Variants in ROBO2 observed in about 807,000 individuals in gnomAD.
ROBO2 encodes roundabout homolog 2.
Under a neutral mutation model 160.8 loss-of-function variants are expected in ROBO2, and 53 were observed. The ratio of observed to expected loss-of-function variants is 0.33; its 90% CI spans 0.26 to 0.41. ROBO2 has a LOEUF of 0.41. Among genes scored for constraint, ROBO2 ranks in the 10% least tolerant of loss-of-function variants. The pLI, the probability that ROBO2 is intolerant of heterozygous loss-of-function variation, is 1.00. For synonymous variants in ROBO2, 664 were observed against 611.7 expected (o/e 1.09, Z -1.26); for missense variants, 1,577 against 1,722.4 (o/e 0.92, Z 1.49).
At chr3:77,037,925 C>T (rs1338788882), upstream of ROBO2, among the ~76,000 whole-genome samples, 1 of 152,008 alleles carries the variant, frequency 6.6e-6, no homozygotes, top group East Asian at 1.9e-4. Flanking sequence ...AAATTTCACC[C>T]GCGTAAGGAA....
chr3:76,766,856 G>A (rs2061602337), intron 2 of ROBO2, among the ~76,000 whole-genome samples: 2 of 151,512 alleles, frequency 1.3e-5, no homozygotes, highest in South Asian at 4.1e-4. Context: ...ATAGGACTAT[G>A]GAACTGTAGA....
chr3:77,311,241 A>G (rs2063520070), intron 2 of ROBO2, among the ~76,000 whole-genome samples: 1 of 152,170 alleles, frequency 6.6e-6, no homozygotes, highest in Admixed American at 6.5e-5. Context: ...GCTAAAGGCC[A>G]CAAAACTACA....
chr3:77,426,348 G>A (rs1282819198), intron 2 of ROBO2, among the ~76,000 whole-genome samples: 1 of 152,074 alleles, frequency 6.6e-6, no homozygotes, highest in Non-Finnish European at 1.5e-5. Context: ...CCACTGTGGC[G>A]GGCAGGTTTT....
chr3:77,411,381 A>G (rs542217081), intron 2 of ROBO2, among the ~76,000 whole-genome samples: 3 of 152,312 alleles, frequency 2.0e-5, no homozygotes, highest in Non-Finnish European at 2.9e-5. Context: ...CTGTAAATCT[A>G]TATTTCAGAT....
chr3:77,405,159 G>T (rs949861033), intron 2 of ROBO2, among the ~76,000 whole-genome samples: 2 of 151,960 alleles, frequency 1.3e-5, no homozygotes, highest in Non-Finnish European at 2.9e-5. Flanking sequence ...GCTAGCTCAG[G>T]GCTGAGAGAG....
At chr3:77,120,030 T>C (rs901820176) in intron 2 of ROBO2, among the ~76,000 whole-genome samples, 3 of 152,238 alleles carry the variant, frequency 2.0e-5, no homozygotes, top group Non-Finnish European at 4.4e-5. Flanking sequence ...TAAACCCTAT[T>C]AAGCATGAAT....
intron 2 of ROBO2, among the ~76,000 whole-genome samples, chr3:76,393,299 A>T (rs1368130504): frequency 1.3e-5 from 2 of 152,186 alleles, no homozygotes; most frequent in African/African-American, 4.8e-5. Context: ...TCATTGAACT[A>T]TGGAAGTATC....
chr3:76,906,535 T>C (rs552363719), intron 2 of ROBO2, among the ~76,000 whole-genome samples: 1 of 151,938 alleles, frequency 6.6e-6, no homozygotes, highest in Non-Finnish European at 1.5e-5. Flanking sequence ...ACCTGGCACA[T>C]AGTATGTAAT....
At chr3:77,381,522 T>C (rs1183472499) in intron 2 of ROBO2, among the ~76,000 whole-genome samples, 2 of 152,210 alleles carry the variant, frequency 1.3e-5, no homozygotes, top group Non-Finnish European at 1.5e-5. Context: ...TTTTAAATTA[T>C]AGCTTCTAAA....
At chr3:76,962,740 G>A (rs575797649) in intron 2 of ROBO2, among the ~76,000 whole-genome samples, 59 of 151,794 alleles carry the variant, frequency 3.9e-4, no homozygotes, top group African/African-American at 1.3e-3. Context: ...CCAAGAGTTC[G>A]AGGCTGCAGT....
intron 2 of ROBO2, among the ~76,000 whole-genome samples, chr3:76,252,099 C>T (rs759051503): frequency 6.6e-5 from 10 of 151,920 alleles, no homozygotes; most frequent in Non-Finnish European, 1.3e-4. Context: ...CCAGAAGTAA[C>T]TTAATAAGCA....
chr3:76,736,025 TG>T (rs1321438283), intron 2 of ROBO2, among the ~76,000 whole-genome samples: 2 of 151,846 alleles, frequency 1.3e-5, no homozygotes, highest in Non-Finnish European at 2.9e-5. Flanking sequence ...GGCTCACACC[TG>T]TAATCCCAGC....
intron 2 of ROBO2, among the ~76,000 whole-genome samples, chr3:76,634,127 T>TA (rs2090181821): frequency 6.6e-6 from 1 of 152,240 alleles, no homozygotes; most frequent in Non-Finnish European, 1.5e-5. Flanking sequence ...TTCAGCAAGC[T>TA]AGCGAGCAAA....
intron 2 of ROBO2, among the ~76,000 whole-genome samples, chr3:76,076,795 G>C (rs144990587): frequency 5.8e-4 from 89 of 152,254 alleles, no homozygotes; most frequent in Non-Finnish European, 9.9e-4. Flanking sequence ...GTTTATTACC[G>C]CATCAAGATG....
intron 2 of ROBO2, among the ~76,000 whole-genome samples, chr3:76,285,882 G>C (rs1708481043): frequency 1.3e-5 from 2 of 151,870 alleles, no homozygotes; most frequent in African/African-American, 4.8e-5. Context: ...CCGTGTTCTT[G>C]TATACAGTCC....
intron 2 of ROBO2, among the ~76,000 whole-genome samples, chr3:76,160,825 C>A (rs937807156): frequency 2.0e-5 from 3 of 152,046 alleles, no homozygotes; most frequent in African/African-American, 7.2e-5. Context: ...AGCAAAAAAA[C>A]CCATGAAATA....
intron 2 of ROBO2, among the ~76,000 whole-genome samples, chr3:76,545,034 T>C (rs1441805281): frequency 1.3e-5 from 2 of 151,940 alleles, no homozygotes; most frequent in East Asian, 3.9e-4. Context: ...ACACAGAAGA[T>C]ACAATCAAAC....
intron 2 of ROBO2, among the ~76,000 whole-genome samples, chr3:76,278,425 T>C (rs554918027): frequency 3.2e-4 from 48 of 152,146 alleles, no homozygotes; most frequent in Non-Finnish European, 6.0e-4. Flanking sequence ...GTAGCACTTA[T>C]ATTTGTATAA....
chr3:76,520,166 CCAGGCCAGGCG>C (rs1287365815), intron 2 of ROBO2, among the ~76,000 whole-genome samples: 1 of 152,018 alleles, frequency 6.6e-6, no homozygotes, highest in Non-Finnish European at 1.5e-5. Context: ...AGAAGGATTT[CCAGGCCAGGCG>C]CAGTGGCTCA....
Sources: gnomAD v4.1 joint callset for allele counts (sites outside exome capture counted in the v4.1 genomes callset) on GRCh38, gnomAD v4.1.1 for gene constraint, MANE v1.5 for transcripts, NCBI Gene and HGNC (gene_info 2026-07-23, HGNC 2026-07-21) for gene names.